SLC25A30: variants seen among roughly 807,000 people sequenced by gnomAD.
The protein encoded by SLC25A30 is solute carrier family 25 member 30, also known as kidney mitochondrial carrier protein 1.
SLC25A30 carries 29 observed loss-of-function variants against 42.7 expected under a neutral mutation model. The observed-to-expected ratio is 0.68, with a 90% CI of 0.51 to 0.93. The LOEUF (loss-of-function observed/expected upper bound fraction) is 0.93. Ranked by LOEUF, SLC25A30 falls within the 40% of genes least tolerant of loss-of-function variation. The pLI is 0.00. For synonymous variants in SLC25A30, 124 were observed against 131.0 expected, an observed-to-expected ratio of 0.95 and a Z score of 0.37; for missense variants, 300 against 359.7, an observed-to-expected ratio of 0.83 and a Z score of 1.34.
Position 45,393,399 on chromosome 13 carries a change from AG to A in SLC25A30, c.*2574del. ...ATATTCCAACAATGTTTAAATAAAGAGCTTGAAATATAAAGGCTTATGAAAA... is the reference window on the plus strand; with the variant it reads ...ATATTCCAACAATGTTTAAATAAAGACTTGAAATATAAAGGCTTATGAAAA... On this transcript the variant is annotated 3_prime_UTR_variant, in exon 10 of 10. Transcript: ENST00000519676. 1 of 982,244 alleles carries A rather than the reference AG, an allele frequency of 1.0e-6. No homozygotes were observed. The highest frequency in any genetic ancestry group is 1.2e-6 in the Non-Finnish European group (1 of 827,044). The allele number at this position is 982,244 out of a possible 1,614,324, so 60.8% of individuals were successfully genotyped here.
the SLC25A30 span, among the ~76,000 whole-genome samples, chr13:45,427,017 C>T: frequency 1.3e-5 from 2 of 151,664 alleles, no homozygotes; most frequent in African/African-American, 2.4e-5. Context: ...GATCATATAA[C>T]AACAGATTTA....
intron 1 of SLC25A30, among the ~76,000 whole-genome samples, chr13:45,414,623 C>CACAT (rs1883344791): frequency 7.2e-6 from 1 of 138,002 alleles, no homozygotes; most frequent in Non-Finnish European, 1.5e-5. Flanking sequence ...GTCTCAAACA[C>CACAT]ACACACACAC....
chr13:45,396,099 TAATAAC>T, intron 9 of SLC25A30, 84 bp from the exon 10 acceptor site: 7 of 1,613,304 alleles, frequency 4.3e-6, no homozygotes, highest in Non-Finnish European at 5.9e-6. Flanking sequence ...ATGGCACACT[TAATAAC>T]AAATAGGTAC....
chr13:45,424,628 AATATGTATAT>A, the SLC25A30 span, among the ~76,000 whole-genome samples: 1 of 50,976 alleles, frequency 2.0e-5, no homozygotes, highest in Admixed American at 3.4e-4. Flanking sequence ...AATATATATA[AATATGTATAT>A]AAACATAAAT....
upstream of SLC25A30, among the ~76,000 whole-genome samples, chr13:45,422,708 A>G (rs1412145719): frequency 6.6e-6 from 1 of 152,042 alleles, no homozygotes; most frequent in Non-Finnish European, 1.5e-5. Flanking sequence ...TGCTTTGGGC[A>G]TTTGTTTTTC....
intron 5 of SLC25A30, among the ~76,000 whole-genome samples, chr13:45,402,575 A>C (rs1882100720): frequency 6.6e-6 from 1 of 152,236 alleles, no homozygotes; most frequent in Non-Finnish European, 1.5e-5. Context: ...TGAGATCTCC[A>C]AAAAGCATCT....
the SLC25A30 span, among the ~76,000 whole-genome samples, chr13:45,427,017 C>G: frequency 6.6e-6 from 1 of 151,664 alleles, no homozygotes; most frequent in Non-Finnish European, 1.5e-5. Flanking sequence ...GATCATATAA[C>G]AACAGATTTA....
intron 3 of SLC25A30, among the ~76,000 whole-genome samples, 177 bp downstream of exon 3, chr13:45,408,750 A>G: frequency 6.6e-6 from 1 of 152,228 alleles, no homozygotes; most frequent in East Asian, 1.9e-4. Flanking sequence ...CATCTGCTGC[A>G]TAATATATAT....
rs1299364939 is a variant in SLC25A30, at chr13:45,395,214, A to G, written c.*760T>C. 1 of 984,978 alleles carries G rather than the reference A, an allele frequency of 1.0e-6. No homozygotes were observed. The highest frequency in any genetic ancestry group is 1.7e-5 in the African/African-American group (1 of 57,246). The allele number at this position is 984,978 out of a possible 1,614,324, so 61.0% of individuals were successfully genotyped here. On this transcript the variant is annotated 3_prime_UTR_variant, in exon 10 of 10. Transcript: ENST00000519676. ...AAATACATATGCTTTGCTAAAAATC[A>G]TAAAGCTAATTACTAACATGACCTA... is the stretch of plus-strand genomic sequence containing the variant.
At chr13:45,425,550 A>AT in the SLC25A30 span, among the ~76,000 whole-genome samples, 1 of 97,196 alleles carries the variant, frequency 1.0e-5, no homozygotes, top group African/African-American at 4.1e-5. Context: ...ATATATATAT[A>AT]AGTATATATA....
chr13:45,417,906 T>C (rs777845239), intron 1 of SLC25A30, among the ~76,000 whole-genome samples: 2 of 152,062 alleles, frequency 1.3e-5, no homozygotes, highest in Non-Finnish European at 2.9e-5. Flanking sequence ...AGGCTGCCGT[T>C]TGAATGAACG....
rs1881187958 is a variant in SLC25A30, at chr13:45,394,720, CTT to C, written c.*1252_*1253del. On this transcript the variant is annotated 3_prime_UTR_variant, in exon 10 of 10. Transcript: ENST00000519676. Reference sequence around the variant, plus strand: ...AAGAAAAAAAGAAGAGGGAGAATGACTTATTGTGTCTACAGAAGGAAAGAAAA... The same window carrying C: ...AAGAAAAAAAGAAGAGGGAGAATGACATTGTGTCTACAGAAGGAAAGAAAA... 1.0e-6 allele frequency: 1 copy of C among 985,062 alleles called. No individual in the cohort carries two copies. Among genetic ancestry groups the C allele is most frequent in the Non-Finnish European group, 1.2e-6 (1 of 829,706 alleles). The allele number at this position is 985,062 out of a possible 1,614,324, so 61.0% of individuals were successfully genotyped here. A position where few individuals can be genotyped will look rare whatever the true frequency, so the allele number is the denominator to read the frequency against.
chr13:45,432,474 T>A, the SLC25A30 span, among the ~76,000 whole-genome samples: 1 of 152,096 alleles, frequency 6.6e-6, no homozygotes, highest in East Asian at 1.9e-4. Context: ...TTATCATTAT[T>A]CCACACATCT....
At chr13:45,425,290 G>T in the SLC25A30 span, among the ~76,000 whole-genome samples, 1 of 93,026 alleles carries the variant, frequency 1.1e-5, no homozygotes. Context: ...ATATATGTAC[G>T]TATATATACG....
chr13:45,423,553 TAA>T, the SLC25A30 span, among the ~76,000 whole-genome samples: 2 of 61,370 alleles, frequency 3.3e-5, no homozygotes, highest in African/African-American at 1.1e-4. Flanking sequence ...TATAAATACA[TAA>T]AAAAAATATA....
chr13:45,400,825 A>G (rs998165710), intron 7 of SLC25A30, among the ~76,000 whole-genome samples: 2 of 152,214 alleles, frequency 1.3e-5, no homozygotes, highest in Non-Finnish European at 2.9e-5. Context: ...AGCAAATAAA[A>G]GAATGTAAAA....
At chr13:45,397,586 C>T (rs990851093) in intron 8 of SLC25A30, 33 of 305,632 alleles carry the variant, frequency 1.1e-4, no homozygotes, top group Non-Finnish European at 1.8e-4. Context: ...GTCCCAGCTA[C>T]TCGGGAGGCT....
intron 2 of SLC25A30, among the ~76,000 whole-genome samples, chr13:45,409,460 TA>T (rs1179738604): frequency 1.3e-5 from 2 of 151,702 alleles, no homozygotes; most frequent in Non-Finnish European, 2.9e-5. Context: ...AACAAAGAGG[TA>T]AAAAAAGTTC....
chr13:45,424,882 A>T, the SLC25A30 span, among the ~76,000 whole-genome samples: 14 of 63,792 alleles, frequency 2.2e-4, no homozygotes, highest in East Asian at 4.9e-3. Context: ...ATAAATATAT[A>T]AATATATATT....
Sources: gnomAD v4.1 joint callset for allele counts (sites outside exome capture counted in the v4.1 genomes callset) on GRCh38, gnomAD v4.1.1 for gene constraint, MANE v1.5 for transcripts, NCBI Gene and HGNC (gene_info 2026-07-23, HGNC 2026-07-21) for gene names.